SH3RF3: variants seen among roughly 807,000 people sequenced by gnomAD.
SH3RF3 encodes SH3 domain containing ring finger 3, also known as E3 ubiquitin-protein ligase SH3RF3.
In SH3RF3, 29 loss-of-function variants were observed where a neutral mutation model predicts 66.3. The observed-to-expected ratio is 0.44, with a 90% CI of 0.33 to 0.60. The LOEUF (loss-of-function observed/expected upper bound fraction) is 0.60. SH3RF3 is among the 20% of genes least tolerant of loss of function. The probability of loss-of-function intolerance (pLI) is 0.04; values close to 1 mark genes in which losing one functional copy is unlikely to be tolerated. For synonymous variants in SH3RF3, 583 were observed against 532.0 expected (o/e 1.10, Z -1.32); for missense variants, 1,194 against 1,190.9 (o/e 1.00, Z -0.04).
chr2:109,359,986 C>G (rs1683022201), intron 2 of SH3RF3, among the ~76,000 whole-genome samples: 1 of 151,750 alleles, frequency 6.6e-6, no homozygotes. Context: ...TTTTTAAAAG[C>G]CATCCAGCAG....
chr2:109,133,417 ATATTT>A (rs904179560), intron 1 of SH3RF3, among the ~76,000 whole-genome samples: 4 of 152,208 alleles, frequency 2.6e-5, no homozygotes, highest in Non-Finnish European at 4.4e-5. Flanking sequence ...TATTTGTTAA[ATATTT>A]TATTTTATAA....
chr2:109,460,491 A>C (rs1280356338), intron 8 of SH3RF3, among the ~76,000 whole-genome samples: 1 of 152,142 alleles, frequency 6.6e-6, no homozygotes, highest in South Asian at 2.1e-4. Context: ...CATCACCTCC[A>C]TCCACAGTGG....
intron 1 of SH3RF3, among the ~76,000 whole-genome samples, chr2:109,343,742 T>TC (rs1312901753): frequency 1.5e-5 from 2 of 132,864 alleles, no homozygotes; most frequent in Admixed American, 7.8e-5. Flanking sequence ...TGCCCTGGTT[T>TC]CCTTTTTTTT....
At position 109,473,492 on chromosome 2, in the gene SH3RF3, TAAAG is replaced by T. The variant is rs769483916; in HGVS notation, c.2149-17110_2149-17107del. ...GATGTAAAATAGCAGATATAGGTGA[TAAAG>T]AAGGCCTGAGCAACAGAGCCATGCC... On this transcript the variant is annotated intron_variant, in intron 8 of 9. Transcript: ENST00000309415. Among the ~76,000 whole-genome samples, 75 of 152,066 alleles carry T rather than the reference TAAAG, an allele frequency of 4.9e-4. 1 individual carries two copies. The highest frequency in any genetic ancestry group is 1.5e-4 in the Non-Finnish European group (10 of 68,010).
intron 1 of SH3RF3, among the ~76,000 whole-genome samples, chr2:109,299,992 T>G (rs1681416240): frequency 6.6e-6 from 1 of 152,208 alleles, no homozygotes; most frequent in African/African-American, 2.4e-5. Context: ...ATTTCGCTCT[T>G]TCTTCAAGAA....
At chr2:109,449,110 C>A in intron 7 of SH3RF3, 60 bp from the exon 8 acceptor site, 3 of 1,549,454 alleles carry the variant, frequency 1.9e-6, no homozygotes, top group South Asian at 1.2e-5. Flanking sequence ...AGCTGCCTGG[C>A]AGGCATGGCA....
intron 1 of SH3RF3, among the ~76,000 whole-genome samples, chr2:109,280,793 T>C (rs1354093909): frequency 4.6e-5 from 7 of 152,242 alleles, no homozygotes; most frequent in Non-Finnish European, 1.0e-4. Flanking sequence ...ATCTCATTTC[T>C]CTCTTCATTT....
At chr2:109,439,687 T>G (rs1677507463) in intron 7 of SH3RF3, among the ~76,000 whole-genome samples, 1 of 152,060 alleles carries the variant, frequency 6.6e-6, no homozygotes, top group African/African-American at 2.4e-5. Context: ...CTCCTGTCTG[T>G]GCTTAGCAGG....
intron 8 of SH3RF3, among the ~76,000 whole-genome samples, chr2:109,459,969 T>C (rs1407531966): frequency 1.3e-5 from 2 of 152,196 alleles, no homozygotes; most frequent in East Asian, 3.9e-4. Context: ...TTCTGGAGAA[T>C]ATTGTCCCAG....
chr2:109,363,962 G>C (rs902660826), intron 2 of SH3RF3, among the ~76,000 whole-genome samples: 2 of 152,064 alleles, frequency 1.3e-5, no homozygotes, highest in African/African-American at 4.8e-5. Context: ...TATCCTGCTT[G>C]TTGTTCTCTG....
intron 8 of SH3RF3, 134 bp from the exon 9 acceptor site, chr2:109,490,471 T>C: frequency 3.9e-6 from 3 of 776,224 alleles, no homozygotes; most frequent in Admixed American, 3.6e-5. Flanking sequence ...CTGTGAGTGG[T>C]AAAGTCTTTT....
intron 1 of SH3RF3, among the ~76,000 whole-genome samples, chr2:109,136,913 G>A (rs971538468): frequency 6.6e-5 from 10 of 152,100 alleles, no homozygotes; most frequent in African/African-American, 1.7e-4. Context: ...CAGGGAGTTC[G>A]CAGGGAGCCA....
At chr2:109,145,574 C>A (rs971300886) in intron 1 of SH3RF3, among the ~76,000 whole-genome samples, 1 of 152,222 alleles carries the variant, frequency 6.6e-6, no homozygotes, top group Admixed American at 6.5e-5. Context: ...GTCCGGGGGG[C>A]CTCACTGTTG....
At chr2:109,183,923 C>T (rs1210025853) in intron 1 of SH3RF3, among the ~76,000 whole-genome samples, 1 of 152,230 alleles carries the variant, frequency 6.6e-6, no homozygotes, top group Non-Finnish European at 1.5e-5. Context: ...TGTGCCCCCA[C>T]ACCTACCAGT....
intron 1 of SH3RF3, among the ~76,000 whole-genome samples, chr2:109,195,860 T>C (rs1014749376): frequency 2.0e-5 from 3 of 152,206 alleles, no homozygotes; most frequent in African/African-American, 7.2e-5. Context: ...AGTCTGGCTA[T>C]GCGTTTGGAA....
intron 1 of SH3RF3, among the ~76,000 whole-genome samples, chr2:109,293,043 A>G (rs926695435): frequency 6.6e-5 from 10 of 152,146 alleles, no homozygotes; most frequent in Non-Finnish European, 1.2e-4. Context: ...TGACATTTAA[A>G]TGGCATCTGT....
chr2:109,417,073 C>G (rs913534707), intron 4 of SH3RF3, among the ~76,000 whole-genome samples: 1 of 152,164 alleles, frequency 6.6e-6, no homozygotes, highest in African/African-American at 2.4e-5. Context: ...GTTGGAATTG[C>G]TTGGTAACTA....
rs143589827 is a variant in SH3RF3 at position 109,295,447 on chromosome 2, G to A, written c.574-52227G>A. ...ACTCAGGGCGGGAGCCGAGGGGCACGCAGGGCAGGGAGAGGACCCTGGGAG... is the reference window on the plus strand; with the variant it reads ...ACTCAGGGCGGGAGCCGAGGGGCACACAGGGCAGGGAGAGGACCCTGGGAG... On this transcript the variant is annotated intron_variant, in intron 1 of 9. Coordinates refer to ENST00000309415, the MANE Select transcript of SH3RF3 (RefSeq NM_001099289.3). Among the ~76,000 whole-genome samples the A allele has an allele frequency of 7.9e-5, 12 of 152,366 alleles. No homozygotes were observed. The East Asian group carries it at 2.3e-3, about 29-fold the overall frequency.
chr2:109,200,671 C>G (rs529095627), intron 1 of SH3RF3, among the ~76,000 whole-genome samples: 1 of 152,140 alleles, frequency 6.6e-6, no homozygotes, highest in Non-Finnish European at 1.5e-5. Context: ...CTGGAGGCCT[C>G]TTTTCTCCTG....
Sources: gnomAD v4.1 joint callset for allele counts (sites outside exome capture counted in the v4.1 genomes callset) on GRCh38, gnomAD v4.1.1 for gene constraint, MANE v1.5 for transcripts, NCBI Gene and HGNC (gene_info 2026-07-23, HGNC 2026-07-21) for gene names.